Variants in ZNF568 observed in about 807,000 individuals in gnomAD.
ZNF568 encodes p53 inhibitor of SCO2 activation.
A neutral mutation model predicts 18.1 loss-of-function variants in ZNF568; 11 were observed. That is an observed-to-expected ratio of 0.61 (90% confidence interval 0.38 to 1.00). ZNF568 has a LOEUF of 1.00. Among genes scored for constraint, ZNF568 ranks in the 50% least tolerant of loss-of-function variants. The pLI is 0.01. For missense variants in ZNF568, 639 were observed against 768.2 expected, an observed-to-expected ratio of 0.83 and a Z score of 1.99; for synonymous variants, 213 against 246.6, an observed-to-expected ratio of 0.86 and a Z score of 1.28.
intron 4 of ZNF568, among the ~76,000 whole-genome samples, chr19:36,995,912 C>A (rs1267930158): frequency 6.6e-6 from 1 of 152,048 alleles, no homozygotes; most frequent in Non-Finnish European, 1.5e-5. Flanking sequence ...GGATAATAAC[C>A]CCCTCAAAGA....
At chr19:36,923,476 A>G (rs955415915) in intron 3 of ZNF568, among the ~76,000 whole-genome samples, 3 of 151,910 alleles carry the variant, frequency 2.0e-5, no homozygotes, top group Non-Finnish European at 2.9e-5. Context: ...TACAAGCCAG[A>G]ACTCCTGCTT....
chr19:36,921,793 C>T (rs1186046654), intron 2 of ZNF568, among the ~76,000 whole-genome samples: 1 of 152,118 alleles, frequency 6.6e-6, no homozygotes, highest in African/African-American at 2.4e-5. Flanking sequence ...TCCCTTAATT[C>T]AGTTGCCAAG....
At chr19:36,996,785 A>G in exon 5 of ZNF568, 1 of 1,552,470 alleles carries the variant, frequency 6.4e-7, no homozygotes, top group Non-Finnish European at 8.7e-7. Flanking sequence ...ACTGGAGAGA[A>G]ACCTCATAAA....
downstream of ZNF568, among the ~76,000 whole-genome samples, chr19:36,983,192 G>A (rs1418460198): frequency 1.3e-5 from 2 of 152,200 alleles, no homozygotes; most frequent in East Asian, 3.8e-4. Context: ...AGGAGTTGCA[G>A]CAGAGATGGT....
intron 2 of ZNF568, among the ~76,000 whole-genome samples, chr19:36,988,077 G>A (rs2074391928): frequency 6.6e-6 from 1 of 151,838 alleles, no homozygotes; most frequent in Admixed American, 6.6e-5. Flanking sequence ...GTGTTAGTAT[G>A]TCTCCTCTCC....
At chr19:36,945,470 G>A (rs1256627790) in intron 6 of ZNF568, among the ~76,000 whole-genome samples, 2 of 151,922 alleles carry the variant, frequency 1.3e-5, no homozygotes, top group Non-Finnish European at 2.9e-5. Context: ...TATGATTATT[G>A]TAATAACATT....
In ZNF568 at chr19:36,929,835, C is replaced by T. The variant is rs142897928; in HGVS notation, c.135+4577C>T. 1.1e-3 allele frequency among the ~76,000 whole-genome samples: 160 copies of T among 150,924 alleles called. 2 individuals carry two copies. The East Asian group carries it at 0.029, about 27-fold the overall frequency. Reference sequence around the variant, plus strand: ...CACTGCTCCAGCTTAGGTGACAGAGCGAGACCCAGTTTCAAAGAAAAAAAA... The same window carrying T: ...CACTGCTCCAGCTTAGGTGACAGAGTGAGACCCAGTTTCAAAGAAAAAAAA... On this transcript the variant is annotated intron_variant, in intron 4 of 6. Coordinates refer to ENST00000333987, the MANE Select transcript of ZNF568 (RefSeq NM_198539.4).
At chr19:36,959,373 T>C (rs2074131257) in intron 6 of ZNF568, among the ~76,000 whole-genome samples, 3 of 152,176 alleles carry the variant, frequency 2.0e-5, no homozygotes. Context: ...CACTTGATTG[T>C]GGTGTATTAT....
At chr19:36,962,135 T>A (rs981833309) in intron 6 of ZNF568, among the ~76,000 whole-genome samples, 4 of 144,158 alleles carry the variant, frequency 2.8e-5, no homozygotes, top group East Asian at 2.0e-4. Flanking sequence ...TTTTTTTTTT[T>A]AATTTGTTTT....
chr19:36,967,383 G>A (rs984463375), intron 6 of ZNF568, among the ~76,000 whole-genome samples: 4 of 152,118 alleles, frequency 2.6e-5, no homozygotes, highest in Non-Finnish European at 5.9e-5. Context: ...GGCCAACATG[G>A]TGAAACCTCA....
chr19:36,925,234 A>G lies in ZNF568; in HGVS notation c.111A>G (p.Glu37=). The G allele has an allele frequency of 2.5e-6, 4 of 1,614,124 alleles. No homozygotes were observed. Among genetic ancestry groups the G allele is most frequent in the Non-Finnish European group, 3.4e-6 (4 of 1,179,988 alleles). ...WCSQESALSE[E]EEDTTRPLET... ...CTCAAGAGTCTGCCCTTTCCGAGGA[A>G]GAAGAGGATACAACCAGGCCTCTTG... Residue 37 remains glutamate, a synonymous_variant, in exon 4 of 7, where the codon GAA becomes GAG. Transcript: ENST00000333987.
intron 7 of ZNF568, chr19:36,976,513 A>C (rs2074286446): frequency 1.3e-5 from 2 of 152,168 alleles, no homozygotes; most frequent in African/African-American, 4.8e-5. Flanking sequence ...TAAAGTTATA[A>C]GGGCCTTATT....
intron 4 of ZNF568, chr19:36,996,240 G>A: frequency 9.1e-7 from 1 of 1,098,616 alleles, no homozygotes; most frequent in East Asian, 2.7e-5. Flanking sequence ...TTTTTATTTT[G>A]TCATTTCTAC....
intron 4 of ZNF568, among the ~76,000 whole-genome samples, chr19:36,933,443 A>G (rs2073722964): frequency 6.6e-6 from 1 of 150,698 alleles, no homozygotes; most frequent in South Asian, 2.1e-4. Context: ...TTTCAATGAT[A>G]AAAGGGTGTT....
In ZNF568 at chr19:36,950,889, G is replaced by A. The variant is rs766961615; in HGVS notation, c.1736G>A (p.Ser579Asn). The change falls in exon 7 of 7, where the codon AGT becomes AAT. Residue 579 changes from serine (S) to asparagine (N), a missense_variant. Physicochemically the swap from Ser to Asn is conservative, Grantham distance 46 (BLOSUM62 1). Transcript: ENST00000333987. The part of the protein sequence containing the change: ...RISSLTLHVR[S>N]HTGEKPYECN... ...TCATCCCTCACTCTTCATGTGAGAA[G>A]TCACACAGGGGAGAAACCCTATGAA... 3.1e-6 allele frequency: 5 copies of A among 1,613,278 alleles called. No individual in the cohort carries two copies. Among genetic ancestry groups the A allele is most frequent in the Non-Finnish European group, 4.2e-6 (5 of 1,179,758 alleles).
At chr19:36,964,733 T>C (rs1209755130) in intron 6 of ZNF568, among the ~76,000 whole-genome samples, 1 of 152,122 alleles carries the variant, frequency 6.6e-6, no homozygotes, top group African/African-American at 2.4e-5. Context: ...GGAGGATCCT[T>C]GAGCTCAGGA....
intron 6 of ZNF568, among the ~76,000 whole-genome samples, chr19:36,946,649 C>CTTTT (rs33950985): frequency 6.3e-5 from 7 of 110,442 alleles, no homozygotes; most frequent in Non-Finnish European, 1.1e-4. Flanking sequence ...TTTTTGTTTC[C>CTTTT]TTTTTTTTTT....
At chr19:36,986,328 C>G (rs2146345120) in intron 2 of ZNF568, among the ~76,000 whole-genome samples, 1 of 152,124 alleles carries the variant, frequency 6.6e-6, no homozygotes, top group Admixed American at 6.5e-5. Flanking sequence ...CCCAACTTGG[C>G]CAGCTATAGG....
At chr19:36,944,291 G>C (rs1394622855) in intron 6 of ZNF568, among the ~76,000 whole-genome samples, 1 of 151,712 alleles carries the variant, frequency 6.6e-6, no homozygotes, top group South Asian at 2.1e-4. Flanking sequence ...CCAGCTACTC[G>C]GGAGGCTGAG....
Sources: gnomAD v4.1 joint callset for allele counts (sites outside exome capture counted in the v4.1 genomes callset) on GRCh38, gnomAD v4.1.1 for gene constraint, MANE v1.5 for transcripts, NCBI Gene and HGNC (gene_info 2026-07-23, HGNC 2026-07-21) for gene names.